Variants in EXOC6B observed in about 807,000 individuals in gnomAD.
EXOC6B encodes SEC15 homolog B.
A neutral mutation model predicts 113.5 loss-of-function variants in EXOC6B; 54 were observed. That is an observed-to-expected ratio of 0.48 (90% CI 0.38 to 0.60). EXOC6B has a LOEUF of 0.60. Among genes scored for constraint, EXOC6B ranks in the 20% least tolerant of loss-of-function variants. EXOC6B has a pLI of 0.00. For missense variants in EXOC6B, 797 were observed against 977.5 expected, an observed-to-expected ratio of 0.82 and a Z score of 2.46; for synonymous variants, 357 against 339.0, an observed-to-expected ratio of 1.05 and a Z score of -0.58.
chr2:72,480,590 T>C, intron 17 of EXOC6B, 26 bp downstream of exon 17: 1 of 1,556,368 alleles, frequency 6.4e-7, no homozygotes, highest in Non-Finnish European at 8.7e-7. Flanking sequence ...CAGAAGCAGT[T>C]CCACAGTACT....
intron 6 of EXOC6B, among the ~76,000 whole-genome samples, chr2:72,675,043 G>A (rs781063770): frequency 6.6e-6 from 1 of 152,010 alleles, no homozygotes; most frequent in Non-Finnish European, 1.5e-5. Flanking sequence ...CCACAAAATC[G>A]GGTTGACGTG....
At chr2:72,812,829 G>T (rs1306263883) in intron 1 of EXOC6B, among the ~76,000 whole-genome samples, 5 of 152,044 alleles carry the variant, frequency 3.3e-5, no homozygotes, top group African/African-American at 4.8e-5. Flanking sequence ...CCAGTATCAG[G>T]ATATTACATA....
intron 1 of EXOC6B, among the ~76,000 whole-genome samples, chr2:72,820,627 A>G (rs1467619795): frequency 6.6e-6 from 1 of 152,174 alleles, no homozygotes; most frequent in Admixed American, 6.5e-5. Flanking sequence ...CAAAAATCAC[A>G]TAAACTCAAT....
At chr2:72,515,448 TATG>T in intron 8 of EXOC6B, 2 of 1,102,294 alleles carry the variant, frequency 1.8e-6, no homozygotes, top group African/African-American at 1.6e-5. Context: ...TTCCATAAGT[TATG>T]ATAACAGGTA....
At chr2:72,790,648 C>A (rs555647609) in intron 1 of EXOC6B, among the ~76,000 whole-genome samples, 4 of 152,042 alleles carry the variant, frequency 2.6e-5, no homozygotes, top group East Asian at 3.9e-4. Context: ...AAAACTACTA[C>A]GTAGAAAACA....
At position 72,492,777 on chromosome 2, in the gene EXOC6B, A is replaced by G. The variant is rs1699818349; in HGVS notation, c.1554-348T>C. Among the ~76,000 whole-genome samples, 3 of 151,800 alleles carry G rather than the reference A, an allele frequency of 2.0e-5. No individual in the cohort carries two copies. In the South Asian group the frequency reaches 6.2e-4, roughly 31 times the overall value. ...ATTCTTATCATTATACTATCATGTA[A>G]TTTTTATTTTTGGGAATGCCTTCTA... On this transcript the variant is annotated intron_variant, in intron 15 of 21. Transcript: ENST00000272427.
chr2:72,811,817 T>C (rs573289013), intron 1 of EXOC6B, among the ~76,000 whole-genome samples: 1 of 152,274 alleles, frequency 6.6e-6, no homozygotes, highest in South Asian at 2.1e-4. Context: ...TCATATAAAA[T>C]GATGCATTAT....
intron 19 of EXOC6B, among the ~76,000 whole-genome samples, chr2:72,347,118 G>A (rs953110945): frequency 9.2e-5 from 14 of 152,138 alleles, no homozygotes; most frequent in Admixed American, 2.6e-4. Flanking sequence ...ATAGATCTAT[G>A]TAAAGTCACA....
chr2:72,197,802 G>C (rs2104316594), intron 20 of EXOC6B, among the ~76,000 whole-genome samples: 1 of 152,226 alleles, frequency 6.6e-6, no homozygotes, highest in Admixed American at 6.5e-5. Flanking sequence ...CAATATAAAT[G>C]AATGAATCAG....
At chr2:72,709,852 C>A (rs775494025) in intron 6 of EXOC6B, among the ~76,000 whole-genome samples, 7 of 151,874 alleles carry the variant, frequency 4.6e-5, no homozygotes, top group Admixed American at 2.6e-4. Flanking sequence ...ACATTAAAGC[C>A]ATCACTGAAA....
chr2:72,245,529 A>G (rs527529492), intron 20 of EXOC6B, among the ~76,000 whole-genome samples: 2 of 152,362 alleles, frequency 1.3e-5, no homozygotes, highest in African/African-American at 2.4e-5. Flanking sequence ...AGCAACCTTG[A>G]AAGCATATTG....
chr2:72,550,874 G>T (rs1025182226), intron 8 of EXOC6B, among the ~76,000 whole-genome samples: 2 of 151,042 alleles, frequency 1.3e-5, no homozygotes, highest in Non-Finnish European at 2.9e-5. Flanking sequence ...ATTAGCATCA[G>T]AGATACATAA....
intron 20 of EXOC6B, among the ~76,000 whole-genome samples, chr2:72,320,896 T>C (rs1339311689): frequency 6.6e-6 from 1 of 151,954 alleles, no homozygotes; most frequent in Non-Finnish European, 1.5e-5. Flanking sequence ...AAAGAAGAGA[T>C]ACAAATACAT....
chr2:72,240,908 T>C (rs1011311816), intron 20 of EXOC6B, among the ~76,000 whole-genome samples: 4 of 152,134 alleles, frequency 2.6e-5, no homozygotes, highest in African/African-American at 9.7e-5. Flanking sequence ...GGCAAATCAC[T>C]GCCTCAAAAA....
In EXOC6B at chr2:72,605,366, T is replaced by C. The variant is rs936871607; in HGVS notation, c.670-29698A>G. ...ACTAAAGTCCCAGGATGAGAACGTA[T>C]GTCACTTAAACAGTTTACCATGGGG... On this transcript the variant is annotated intron_variant, in intron 6 of 21. Transcript: ENST00000272427. Among the ~76,000 whole-genome samples, 6 of 152,000 alleles carry C rather than the reference T, an allele frequency of 3.9e-5. 1 individual carries two copies. The highest frequency in any genetic ancestry group is 1.3e-4 in the Admixed American group (2 of 15,264).
chr2:72,583,787 C>G (rs1419922611), intron 6 of EXOC6B, among the ~76,000 whole-genome samples: 1 of 151,986 alleles, frequency 6.6e-6, no homozygotes, highest in African/African-American at 2.4e-5. Flanking sequence ...GTGGCATGAT[C>G]TCAGCTCACT....
intron 16 of EXOC6B, 142 bp from the exon 17 acceptor site, chr2:72,480,892 A>G: frequency 1.3e-6 from 1 of 783,436 alleles, no homozygotes; most frequent in Non-Finnish European, 2.0e-6. Flanking sequence ...ATGTTAAAGC[A>G]TGGGCTTTCA....
chr2:72,176,556 C>T lies in EXOC6B; in HGVS notation c.*2779G>A, dbSNP rs1315502600. On this transcript the variant is annotated 3_prime_UTR_variant, in exon 22 of 22. Coordinates refer to ENST00000272427, the MANE Select transcript of EXOC6B (RefSeq NM_015189.3). ...CAATGCACCCTGGAAGCTCTACATT[C>T]CCTTTGCCAACAGGATCTCACTTCC... 3 of 152,224 alleles carry T rather than the reference C, an allele frequency of 2.0e-5. No homozygotes were observed. Among genetic ancestry groups the T allele is most frequent in the Non-Finnish European group, 4.4e-5 (3 of 68,054 alleles). 9.4% of individuals were successfully genotyped at this position (152,224 alleles called of 1,614,324 possible).
At chr2:72,426,389 A>T (rs200235037) in intron 18 of EXOC6B, among the ~76,000 whole-genome samples, 23 of 152,246 alleles carry the variant, frequency 1.5e-4, no homozygotes, top group Admixed American at 3.9e-4. Context: ...TCATTTCCCC[A>T]AATGGTTCTT....
Sources: gnomAD v4.1 joint callset for allele counts (sites outside exome capture counted in the v4.1 genomes callset) on GRCh38, gnomAD v4.1.1 for gene constraint, MANE v1.5 for transcripts, NCBI Gene and HGNC (gene_info 2026-07-23, HGNC 2026-07-21) for gene names.